Variants in TENM2 observed in about 807,000 individuals in gnomAD.
TENM2 encodes the protein teneurin transmembrane protein 2.
In TENM2, 52 loss-of-function variants were observed where a neutral mutation model predicts 245.2. That is an observed-to-expected ratio of 0.21 (90% confidence interval 0.17 to 0.27). The LOEUF (loss-of-function observed/expected upper bound fraction) is 0.27. Among genes scored for constraint, TENM2 ranks in the 10% least tolerant of loss-of-function variants. TENM2 has a pLI of 1.00. For synonymous variants in TENM2, 1,363 were observed against 1,438.9 expected (o/e 0.95, Z 1.19); for missense variants, 3,046 against 3,666.8 (o/e 0.83, Z 4.37).
In TENM2 at chr5:168,195,398, T is replaced by C. The variant is rs1278449094; in HGVS notation, c.2900+103T>C. 6 of 1,333,890 alleles carry C rather than the reference T, an allele frequency of 4.5e-6. No homozygotes were observed. The Admixed American group carries it at 1.3e-4, about 28-fold the overall frequency. 82.6% of individuals were successfully genotyped at this position (1,333,890 alleles called of 1,614,324 possible). ...AACCACAGGATTCCCCCTGGTGGAC[T>C]GGAATGTCCACCAGGCCTGTCCCCT... On this transcript the variant is annotated intron_variant, in intron 15 of 28. Coordinates refer to ENST00000518659, the Ensembl canonical transcript of TENM2.
At chr5:168,127,050 T>A in intron 12 of TENM2, 84 bp downstream of exon 14, 1 of 1,179,616 alleles carries the variant, frequency 8.5e-7, no homozygotes, top group Non-Finnish European at 1.2e-6. Context: ...GGGACACAAG[T>A]GCTCTCCCAC....
the TENM2 span, among the ~76,000 whole-genome samples, chr5:167,246,508 T>C: frequency 2.6e-5 from 4 of 152,076 alleles, no homozygotes; most frequent in African/African-American, 9.7e-5. Context: ...CTGTAATATT[T>C]GTTATAGTAT....
chr5:167,097,588 C>G, the TENM2 span, among the ~76,000 whole-genome samples: 7 of 152,082 alleles, frequency 4.6e-5, no homozygotes, highest in Non-Finnish European at 1.0e-4. Flanking sequence ...TAATTAAAAT[C>G]GGATGTTTGT....
At chr5:166,994,268 G>A in the TENM2 span, among the ~76,000 whole-genome samples, 14 of 152,166 alleles carry the variant, frequency 9.2e-5, no homozygotes, top group Admixed American at 2.0e-4. Context: ...GCCAGATTCC[G>A]AGTTTCCTTC....
intron 2 of TENM2, among the ~76,000 whole-genome samples, chr5:167,506,599 G>A (rs1329631390): frequency 1.3e-5 from 2 of 152,078 alleles, no homozygotes; most frequent in African/African-American, 2.4e-5. Flanking sequence ...TGATTTGCTG[G>A]CATAGAATTC....
At chr5:167,794,576 C>G (rs1765195930) in intron 2 of TENM2, among the ~76,000 whole-genome samples, 1 of 152,018 alleles carries the variant, frequency 6.6e-6, no homozygotes, top group African/African-American at 2.4e-5. Context: ...CAAATTCATG[C>G]AATAAAGAGT....
intron 2 of TENM2, among the ~76,000 whole-genome samples, chr5:167,774,716 A>T (rs1582975319): frequency 6.6e-6 from 1 of 152,228 alleles, no homozygotes; most frequent in African/African-American, 2.4e-5. Context: ...AGGGGATGAC[A>T]AAAGTCTCAG....
the TENM2 span, among the ~76,000 whole-genome samples, chr5:167,266,743 G>A: frequency 6.6e-6 from 1 of 152,294 alleles, no homozygotes; most frequent in Admixed American, 6.5e-5. Context: ...AGTACCTCGT[G>A]TGTTGCAGCA....
intron 5 of TENM2, among the ~76,000 whole-genome samples, chr5:168,005,414 CTA>C (rs1784746666): frequency 6.6e-6 from 1 of 152,224 alleles, no homozygotes; most frequent in African/African-American, 2.4e-5. Context: ...GAATACCTTG[CTA>C]ATTTTGCCCA....
intron 2 of TENM2, among the ~76,000 whole-genome samples, chr5:167,571,092 C>A (rs1023312899): frequency 6.6e-6 from 1 of 152,144 alleles, no homozygotes; most frequent in African/African-American, 2.4e-5. Context: ...GAAATATTGT[C>A]CATGTTATCC....
At chr5:167,011,556 C>G in the TENM2 span, among the ~76,000 whole-genome samples, 33 of 152,178 alleles carry the variant, frequency 2.2e-4, no homozygotes, top group African/African-American at 8.0e-4. Flanking sequence ...GCATGAGGCT[C>G]TAGCTCATAT....
At chr5:167,360,206 GTACT>G (rs1320443530) in intron 1 of TENM2, among the ~76,000 whole-genome samples, 2 of 152,138 alleles carry the variant, frequency 1.3e-5, no homozygotes, top group African/African-American at 4.8e-5. Flanking sequence ...TTATATCCAA[GTACT>G]TACTGTAGAT....
intron 4 of TENM2, among the ~76,000 whole-genome samples, chr5:167,972,308 G>A (rs563930154): frequency 6.6e-5 from 10 of 152,074 alleles, no homozygotes; most frequent in Non-Finnish European, 1.2e-4. Context: ...TAATATAAAT[G>A]GAATCATATA....
intron 4 of TENM2, among the ~76,000 whole-genome samples, chr5:167,983,376 A>G (rs1260121486): frequency 6.6e-6 from 1 of 152,220 alleles, no homozygotes; most frequent in East Asian, 1.9e-4. Flanking sequence ...TTAAATATCA[A>G]GAGTCGAAGC....
At chr5:167,497,140 G>T (rs1768872939) in intron 2 of TENM2, among the ~76,000 whole-genome samples, 1 of 151,890 alleles carries the variant, frequency 6.6e-6, no homozygotes. Context: ...ATAAAACCAA[G>T]TGTGCTAAAA....
chr5:167,280,552 G>A (rs1238510960), upstream of TENM2, among the ~76,000 whole-genome samples: 3 of 151,978 alleles, frequency 2.0e-5, no homozygotes, highest in Admixed American at 2.0e-4. Flanking sequence ...GTGAAGATTG[G>A]GGTGGGGCCA....
chr5:167,196,035 G>C, the TENM2 span, among the ~76,000 whole-genome samples: 2 of 151,944 alleles, frequency 1.3e-5, no homozygotes, highest in African/African-American at 4.8e-5. Flanking sequence ...TTCATTATTA[G>C]GCAATTTTGT....
chr5:167,926,440 C>T (rs1777765500), intron 3 of TENM2, among the ~76,000 whole-genome samples: 1 of 152,124 alleles, frequency 6.6e-6, no homozygotes, highest in Non-Finnish European at 1.5e-5. Flanking sequence ...ACCTTCTTAG[C>T]CAGGCAAGGT....
intron 2 of TENM2, among the ~76,000 whole-genome samples, chr5:167,758,169 G>T (rs1762431610): frequency 6.6e-6 from 1 of 152,196 alleles, no homozygotes; most frequent in African/African-American, 2.4e-5. Flanking sequence ...AGAGTTGGAA[G>T]GCAGTCTAAA....
Sources: allele counts gnomAD v4.1 joint callset (sites outside exome capture counted in the v4.1 genomes callset), GRCh38; gene constraint gnomAD v4.1.1; transcripts MANE v1.5; gene names NCBI Gene and HGNC (gene_info 2026-07-23, HGNC 2026-07-21).